The following SBNO2 variants were observed in gnomAD, a reference collection of about 807,000 sequenced individuals.
SBNO2 encodes the protein strawberry notch homolog 2.
SBNO2 carries 89 observed loss-of-function variants against 146.3 expected under a neutral mutation model. That is an observed-to-expected ratio of 0.61 (90% CI 0.51 to 0.73). The LOEUF is 0.73. Among genes scored for constraint, SBNO2 ranks in the 30% least tolerant of loss-of-function variants. The pLI, the probability that SBNO2 is intolerant of heterozygous loss-of-function variation, is 0.00. For missense variants in SBNO2, 2,092 were observed against 2,003.7 expected (o/e 1.04, Z -0.84); for synonymous variants, 1,147 against 892.6 (o/e 1.29, Z -5.08).
At chr19:1,124,836 A>G (rs740495) in intron 5 of SBNO2, among the ~76,000 whole-genome samples, 57,828 of 151,836 alleles carry the variant, frequency 0.38, 12,393 homozygotes, top group African/African-American at 0.6. Context: ...TGGCCCACCC[A>G]GGGGTCTCCG....
chr19:1,116,879 C>T lies in SBNO2; in HGVS notation c.1752G>A (p.Glu584=). ...GGTGCCCATCGTTCTCCCCCAGCAC[C>T]TCCCGCGTGCGCGCCTCGCCCGTGG... ...LQSTGEARTR[E]VLGENDGHLN... Residue 584 remains glutamate, a synonymous_variant, in exon 16 of 32, where the codon GAG becomes GAA. Coordinates refer to ENST00000361757, the MANE Select transcript of SBNO2 (RefSeq NM_014963.3). The T allele has an allele frequency of 1.3e-6, 2 of 1,586,410 alleles. No individual in the cohort carries two copies. Among genetic ancestry groups the T allele is most frequent in the Non-Finnish European group, 1.7e-6 (2 of 1,169,796 alleles).
intron 3 of SBNO2, among the ~76,000 whole-genome samples, chr19:1,149,110 C>T (rs956070379): frequency 1.5e-5 from 2 of 137,696 alleles, no homozygotes; most frequent in Non-Finnish European, 3.1e-5. Flanking sequence ...TGGCCCATAG[C>T]CCACACCTCC....
Position 1,112,181 on chromosome 19 carries a change from C to A in SBNO2, c.2628+8G>T. 1 of 1,584,082 alleles carries A rather than the reference C, an allele frequency of 6.3e-7. No homozygotes were observed. Among genetic ancestry groups the A allele is most frequent in the Non-Finnish European group, 8.6e-7 (1 of 1,165,126 alleles). ...CCCTGGTTCTCAGCCCCACCCCCAC[C>A]TGCTCACCAGACTCTCCAGGCGCTT... On this transcript the variant is annotated splice_region_variant and intron_variant, in intron 22 of 31. Coordinates refer to ENST00000361757, the MANE Select transcript of SBNO2 (RefSeq NM_014963.3). This position sits in a 1 kb window ranked among gnomAD's most constrained non-coding sequence, Gnocchi z 5.9.
chr19:1,162,765 C>A (rs1012048029), intron 1 of SBNO2, among the ~76,000 whole-genome samples: 1 of 152,226 alleles, frequency 6.6e-6, no homozygotes, highest in African/African-American at 2.4e-5. Flanking sequence ...AGACCAGGAA[C>A]CTGACGCTGG....
At chr19:1,166,221 G>C (rs72977536) in intron 1 of SBNO2, among the ~76,000 whole-genome samples, 3,367 of 11,564 alleles carry the variant, frequency 0.29, 219 homozygotes, top group South Asian at 0.38. Context: ...TCCCAGACCC[G>C]AGATTCCAGA....
intron 15 of SBNO2, 111 bp from the exon 16 acceptor site, chr19:1,117,037 T>C: frequency 1.8e-6 from 2 of 1,083,066 alleles, no homozygotes; most frequent in Admixed American, 4.5e-5. Flanking sequence ...GCTGCTGTGC[T>C]CGCCTCCCCA....
chr19:1,152,331 T>C (rs916899834), intron 2 of SBNO2, among the ~76,000 whole-genome samples: 2 of 152,180 alleles, frequency 1.3e-5, no homozygotes, highest in East Asian at 3.9e-4. Flanking sequence ...CTGGGGAGAT[T>C]CCAGTTTCCT....
chr19:1,110,775 G>A lies in SBNO2; in HGVS notation c.2998C>T (p.Arg1000Trp), dbSNP rs773486482. ...TFDHLIEMDK[R>W]EGKYDMGILD... Reference sequence around the variant, plus strand: ...ATGCCCATGTCGTATTTGCCCTCCCGCTTGTCCATCTCGATGAGGTGGTCG... The same window carrying A: ...ATGCCCATGTCGTATTTGCCCTCCCACTTGTCCATCTCGATGAGGTGGTCG... The change falls in exon 26 of 32, where the codon CGG becomes TGG. Residue 1000 changes from arginine to tryptophan, a missense_variant. By Grantham distance (101) the Arg-to-Trp change is moderately radical. Coordinates refer to ENST00000361757, the MANE Select transcript of SBNO2 (RefSeq NM_014963.3). The surrounding 1 kb of genome is among the most constrained non-coding windows in gnomAD (Gnocchi z 4.9). 2.5e-6 allele frequency: 4 copies of A among 1,613,212 alleles called. No homozygotes were observed. The highest frequency in any genetic ancestry group is 1.7e-5 in the Admixed American group (1 of 59,940).
In SBNO2 at chr19:1,122,138, C is replaced by T. The variant is rs766509783; in HGVS notation, c.1149+1G>A. 31 of 1,424,318 alleles carry T rather than the reference C, an allele frequency of 2.2e-5. No individual in the cohort carries two copies. The highest frequency in any genetic ancestry group is 1.8e-4 in the Middle Eastern group (1 of 5,514). The allele number at this position is 1,424,318 out of a possible 1,614,324, so 88.2% of individuals were successfully genotyped here. A position where few individuals can be genotyped will look rare whatever the true frequency, so the allele number is the denominator to read the frequency against. On this transcript the variant is annotated splice_donor_variant, in intron 11 of 31. Coordinates refer to ENST00000361757, the MANE Select transcript of SBNO2 (RefSeq NM_014963.3). LOFTEE classifies it high-confidence loss of function. The stretch of plus-strand genomic sequence containing the variant: ...CCTCCCGATTGCCCCCAGCAGGATA[C>T]GACGCCCTCGAAGGCCTCCCCACAC...
chr19:1,156,240 C>T (rs1044248745), intron 1 of SBNO2, among the ~76,000 whole-genome samples: 2 of 152,172 alleles, frequency 1.3e-5, no homozygotes, highest in Admixed American at 6.5e-5. Flanking sequence ...ACGCCCCTTC[C>T]AGGCGGCAAC....
At position 1,119,625 on chromosome 19, in the gene SBNO2, T is replaced by TG. The variant is rs377305108; in HGVS notation, c.1268-5dup. The TG allele has an allele frequency of 5.8e-4, 933 of 1,603,118 alleles. 10 individuals carry two copies. In the African/African-American group the frequency reaches 0.011, roughly 19 times the overall value. ...ATGTTCCGAGGCTCAGAGGCACCTG[T>TG]GGGGGGAAGCTGCCGTCAGCTCCCC... On this transcript the variant is annotated splice_region_variant and splice_polypyrimidine_tract_variant and intron_variant, in intron 12 of 31. Coordinates refer to ENST00000361757, the MANE Select transcript of SBNO2 (RefSeq NM_014963.3).
Position 1,109,530 on chromosome 19 carries a change from A to G in SBNO2, c.3192T>C (p.Tyr1064=). 6.2e-7 allele frequency: 1 copy of G among 1,600,332 alleles called. No individual in the cohort carries two copies. The highest frequency in any genetic ancestry group is 8.5e-7 in the Non-Finnish European group (1 of 1,174,808). ...FAKSLALTGP[Y]DGFYLSYKVR... Reference sequence around the variant, plus strand: ...CCTTGTAGGAGAGGTAGAAGCCGTCATAGGGGCCCGTCAGCGCCAGCGACT... The same window carrying G: ...CCTTGTAGGAGAGGTAGAAGCCGTCGTAGGGGCCCGTCAGCGCCAGCGACT... Residue 1064 remains tyrosine (Y), a synonymous_variant, in exon 28 of 32, where the codon TAT becomes TAC. Coordinates refer to ENST00000361757, the MANE Select transcript of SBNO2 (RefSeq NM_014963.3). The surrounding 1 kb of genome is among the most constrained non-coding windows in gnomAD (Gnocchi z 4.2).
At chr19:1,117,549 G>C in intron 14 of SBNO2, 50 bp from the exon 15 acceptor site, 1 of 1,506,340 alleles carries the variant, frequency 6.6e-7, no homozygotes, top group Non-Finnish European at 8.9e-7. Context: ...CCTGGCTCCC[G>C]ACCCGGGCCC....
intron 1 of SBNO2, 42 bp downstream of exon 1, chr19:1,174,130 G>T (rs1277108860): frequency 1.3e-5 from 2 of 151,290 alleles, no homozygotes; most frequent in Non-Finnish European, 3.0e-5. Context: ...CCAGGCAGGG[G>T]TCGCGGTGGA....
chr19:1,114,117 G>T, intron 18 of SBNO2, 114 bp downstream of exon 18: 1 of 985,022 alleles, frequency 1.0e-6, no homozygotes, highest in South Asian at 1.9e-5. Context: ...GGTGGGTGGT[G>T]ACCGCCAGGA....
intron 4 of SBNO2, among the ~76,000 whole-genome samples, chr19:1,145,932 G>A (rs1202267959): frequency 6.6e-6 from 1 of 152,096 alleles, no homozygotes; most frequent in Non-Finnish European, 1.5e-5. Context: ...TACAGGACAG[G>A]AATCCACCCT....
At chr19:1,151,554 G>A (rs75680569) in intron 2 of SBNO2, among the ~76,000 whole-genome samples, 10,493 of 152,276 alleles carry the variant, frequency 0.069, 531 homozygotes, top group East Asian at 0.25. Flanking sequence ...ACCTTCTCTG[G>A]CAGCCAGAGG....
In SBNO2 at chr19:1,109,345, C is replaced by A; in HGVS notation, c.3295G>T (p.Gly1099Cys). 1 of 1,593,804 alleles carries A rather than the reference C, an allele frequency of 6.3e-7. No homozygotes were observed. The highest frequency in any genetic ancestry group is 8.5e-7 in the Non-Finnish European group (1 of 1,171,278). The change falls in exon 29 of 32, where the codon GGC becomes TGC. Residue 1099 changes from glycine (G) to cysteine (C), a missense_variant. By Grantham distance (159) the Gly-to-Cys change is radical. Transcript: ENST00000361757. The surrounding 1 kb of genome is among the most constrained non-coding windows in gnomAD (Gnocchi z 4.2). ...AGGGCCTCCAGCTGGCTCTGCCGGC[C>A]GATGTTGGGCTTGTACACCGTGAAG... Reference protein sequence around the residue: ...QFFTVYKPNIGRQSQLEALDS... With the variant: ...QFFTVYKPNICRQSQLEALDS...
At chr19:1,118,320 A>G (rs943816520) in intron 14 of SBNO2, among the ~76,000 whole-genome samples, 5 of 152,096 alleles carry the variant, frequency 3.3e-5, no homozygotes, top group African/African-American at 1.2e-4. Context: ...CCTGGGCAAC[A>G]AGAGTGGAAA....
Sources: allele counts gnomAD v4.1 joint callset (sites outside exome capture counted in the v4.1 genomes callset), GRCh38; gene constraint gnomAD v4.1.1; non-coding constraint Gnocchi (gnomAD v3.1); transcripts MANE v1.5; gene names NCBI Gene and HGNC (gene_info 2026-07-23, HGNC 2026-07-21).